MKRN1: variants seen among roughly 807,000 people sequenced by gnomAD.
MKRN1 encodes the protein makorin ring finger protein 1.
Under a neutral mutation model 55.5 loss-of-function variants are expected in MKRN1, and 9 were observed. The observed-to-expected ratio is 0.16, with a 90% CI of 0.10 to 0.28. MKRN1 has a LOEUF of 0.28. Among genes scored for constraint, MKRN1 ranks in the 10% least tolerant of loss-of-function variants. MKRN1 has a pLI of 1.00. For missense variants in MKRN1, 488 were observed against 626.7 expected (o/e 0.78, Z 2.36); for synonymous variants, 253 against 235.9 (o/e 1.07, Z -0.66).
intron 1 of MKRN1, among the ~76,000 whole-genome samples, chr7:140,476,970 C>G (rs1795138798): frequency 6.6e-6 from 1 of 151,898 alleles, no homozygotes; most frequent in African/African-American, 2.4e-5. Context: ...GTAATCCCAG[C>G]TACTAAGGCA....
intron 2 of MKRN1, among the ~76,000 whole-genome samples, chr7:140,463,611 C>T (rs1321640251): frequency 3.9e-5 from 6 of 151,996 alleles, no homozygotes; most frequent in Admixed American, 6.6e-5. Flanking sequence ...CCAGGCTGGA[C>T]GCGGTGGCTC....
At chr7:140,468,263 T>C (rs947826724) in intron 2 of MKRN1, among the ~76,000 whole-genome samples, 1 of 152,030 alleles carries the variant, frequency 6.6e-6, no homozygotes, top group Non-Finnish European at 1.5e-5. Context: ...CTCAAAAGAC[T>C]AGAACCCAGT....
In MKRN1 at chr7:140,474,013, G is replaced by GA. The variant is rs1330935175; in HGVS notation, c.186-2003dup. 1.3e-4 allele frequency among the ~76,000 whole-genome samples: 4 copies of GA among 31,672 alleles called. No individual in the cohort carries two copies. In the African/African-American group the frequency reaches 1.3e-3, roughly 10 times the overall value. The allele number at this position is 31,672 out of a possible 152,430, so 20.8% of individuals were successfully genotyped here. A position where few individuals can be genotyped will look rare whatever the true frequency, so the allele number is the denominator to read the frequency against. On this transcript the variant is annotated intron_variant, in intron 1 of 7. Coordinates refer to ENST00000255977, the MANE Select transcript of MKRN1 (RefSeq NM_013446.4). ...GTCTCAAAAAAAAAAAAAAAAGAAAGAAAGAAAGAAAGAAAGAAAGAAAGA... is the reference window on the plus strand; with the variant it reads ...GTCTCAAAAAAAAAAAAAAAAGAAAGAAAAGAAAGAAAGAAAGAAAGAAAGA...
intron 2 of MKRN1, among the ~76,000 whole-genome samples, chr7:140,465,650 C>T (rs978066262): frequency 2.0e-5 from 3 of 152,130 alleles, no homozygotes; most frequent in South Asian, 2.1e-4. Context: ...ACCACCATTA[C>T]GAAACACTGA....
chr7:140,466,480 G>T (rs910179022), intron 2 of MKRN1, among the ~76,000 whole-genome samples: 1 of 152,160 alleles, frequency 6.6e-6, no homozygotes, highest in Non-Finnish European at 1.5e-5. Context: ...ACCTCGGTGA[G>T]ATAGGGAGAC....
At chr7:140,466,236 T>A (rs569324453) in intron 2 of MKRN1, among the ~76,000 whole-genome samples, 5 of 152,290 alleles carry the variant, frequency 3.3e-5, no homozygotes, top group Admixed American at 2.0e-4. Flanking sequence ...TCAACAATTA[T>A]CACCAAACTT....
intron 2 of MKRN1, among the ~76,000 whole-genome samples, chr7:140,464,365 C>G (rs556009170): frequency 2.8e-4 from 43 of 152,248 alleles, no homozygotes; most frequent in African/African-American, 1.0e-3. Context: ...GATCACACCA[C>G]TGCACTCCAG....
Position 140,479,487 on chromosome 7 carries a change from C to T in MKRN1, c.-143G>A. The T allele has an allele frequency of 1.1e-6, 1 of 885,908 alleles. No homozygotes were observed. The highest frequency in any genetic ancestry group is 1.5e-6 in the Non-Finnish European group (1 of 666,836). The allele number at this position is 885,908 out of a possible 1,614,324, so 54.9% of individuals were successfully genotyped here. ...CGTTCGGTCCCCGCCTGCTACGCGT[C>T]GCGTATCTGAGCGCTCTCGCCACTT... On this transcript the variant is annotated 5_prime_UTR_variant, in exon 1 of 8. Coordinates refer to ENST00000255977, the MANE Select transcript of MKRN1 (RefSeq NM_013446.4).
At chr7:140,466,761 G>A (rs1031303050) in intron 2 of MKRN1, among the ~76,000 whole-genome samples, 7 of 142,558 alleles carry the variant, frequency 4.9e-5, no homozygotes, top group Non-Finnish European at 7.4e-5. Flanking sequence ...CCGAGATTGC[G>A]CCACTGCAGT....
chr7:140,457,128 A>G (rs1794487983), intron 4 of MKRN1, among the ~76,000 whole-genome samples: 1 of 151,996 alleles, frequency 6.6e-6, no homozygotes, highest in Admixed American at 6.6e-5. Context: ...AAATTACCCA[A>G]TTTTCTCTAC....
At chr7:140,478,966 C>A (rs1795206371) in intron 1 of MKRN1, 194 bp downstream of exon 1, 8 of 619,322 alleles carry the variant, frequency 1.3e-5, no homozygotes, top group Middle Eastern at 5.3e-4. Context: ...CTCCGCGGCC[C>A]AGCGGGGGTT....
chr7:140,466,774 G>A (rs543822592), intron 2 of MKRN1, among the ~76,000 whole-genome samples: 450 of 142,904 alleles, frequency 3.1e-3, no homozygotes, highest in Non-Finnish European at 5.0e-3. Context: ...ACTGCAGTCC[G>A]CCGTCCGGCC....
At position 140,479,490 on chromosome 7, in the gene MKRN1, G is replaced by GATTATTTCTTTTTGACATGATT; in HGVS notation, c.-147_-146insAATCATGTCAAAAAGAAATAAT. On this transcript the variant is annotated 5_prime_UTR_variant, in exon 1 of 8. The change creates a new upstream start codon in the 5' untranslated region. Transcript: ENST00000255977. The stretch of plus-strand genomic sequence containing the variant: ...TCGGTCCCCGCCTGCTACGCGTCGC[G>GATTATTTCTTTTTGACATGATT]TATCTGAGCGCTCTCGCCACTTCAA... 1 of 837,818 alleles carries GATTATTTCTTTTTGACATGATT rather than the reference G, an allele frequency of 1.2e-6. No homozygotes were observed. The highest frequency in any genetic ancestry group is 1.6e-6 in the Non-Finnish European group (1 of 622,814). The allele number at this position is 837,818 out of a possible 1,614,324, so 51.9% of individuals were successfully genotyped here. A position where few individuals can be genotyped will look rare whatever the true frequency, so the allele number is the denominator to read the frequency against.
intron 2 of MKRN1, among the ~76,000 whole-genome samples, chr7:140,461,154 A>C (rs1794605296): frequency 6.6e-6 from 1 of 152,240 alleles, no homozygotes; most frequent in Non-Finnish European, 1.5e-5. Flanking sequence ...CATCAAATAA[A>C]ATGCTGTCAC....
intron 2 of MKRN1, among the ~76,000 whole-genome samples, chr7:140,469,641 G>C (rs185282593): frequency 5.3e-5 from 8 of 152,116 alleles, no homozygotes; most frequent in East Asian, 2.0e-4. Flanking sequence ...GGCCAGGCGG[G>C]GTGGCTCACG....
intron 2 of MKRN1, among the ~76,000 whole-genome samples, chr7:140,462,099 C>T (rs1355486286): frequency 6.6e-6 from 1 of 152,226 alleles, no homozygotes; most frequent in African/African-American, 2.4e-5. Flanking sequence ...GTGACCTTAG[C>T]TCACTGCAGC....
chr7:140,467,543 C>T (rs1329088641), intron 2 of MKRN1, among the ~76,000 whole-genome samples: 3 of 151,904 alleles, frequency 2.0e-5, no homozygotes, highest in African/African-American at 4.8e-5. Context: ...CTCCCAAAAG[C>T]GCGGGGATGA....
chr7:140,478,630 G>C (rs1427311348), intron 1 of MKRN1: 1 of 152,290 alleles, frequency 6.6e-6, no homozygotes, highest in African/African-American at 2.4e-5. Context: ...GCGGAGGGAC[G>C]GAGGGACGTG....
intron 5 of MKRN1, 78 bp from the exon 6 acceptor site, chr7:140,455,978 G>A (rs2363826): frequency 1.3e-5 from 17 of 1,277,754 alleles, no homozygotes; most frequent in East Asian, 2.3e-5. Context: ...CTGGTGTGTC[G>A]CCTCCAGACT....
Sources: gnomAD v4.1 joint callset for allele counts (sites outside exome capture counted in the v4.1 genomes callset) on GRCh38, gnomAD v4.1.1 for gene constraint, MANE v1.5 for transcripts, NCBI Gene and HGNC (gene_info 2026-07-23, HGNC 2026-07-21) for gene names.